Variants in DIAPH2 observed in about 807,000 individuals in gnomAD.
DIAPH2 encodes the protein diaphanous related formin 2, also known as protein diaphanous homolog 2.
DIAPH2 carries 35 observed loss-of-function variants against 92.7 expected under a neutral mutation model. That is an observed-to-expected ratio of 0.38 (90% CI 0.29 to 0.50). The LOEUF (loss-of-function observed/expected upper bound fraction) is 0.50, where lower values mean the gene tolerates loss of function less well. DIAPH2 is among the 20% of genes least tolerant of loss of function. The probability of loss-of-function intolerance (pLI) is 0.94; values close to 1 mark genes in which losing one functional copy is unlikely to be tolerated. For missense variants in DIAPH2, 701 were observed against 819.5 expected (o/e 0.86, Z 1.77); for synonymous variants, 301 against 280.4 (o/e 1.07, Z -0.73).
intron 22 of DIAPH2, among the ~76,000 whole-genome samples, chrX:97,166,191 C>T (rs948756914): frequency 1.1e-4 from 12 of 111,270 alleles, no homozygotes; most frequent in African/African-American, 3.6e-4. Context: ...TGGCTATTGT[C>T]CTATGTTTTA....
At chrX:97,352,870 CAA>C (rs1176922373) in intron 24 of DIAPH2, among the ~76,000 whole-genome samples, 2 of 27,098 alleles carry the variant, frequency 7.4e-5, no homozygotes, top group Middle Eastern at 0.022. Flanking sequence ...AATCTGTCTC[CAA>C]AAAAAAAAAA....
At chrX:97,561,274 A>G (rs759632426) in intron 26 of DIAPH2, among the ~76,000 whole-genome samples, 4 of 112,336 alleles carry the variant, frequency 3.6e-5, no homozygotes, top group African/African-American at 1.3e-4. Context: ...ACATATGAGT[A>G]GGACCATTCT....
chrX:97,280,324 A>G (rs1054308628), intron 23 of DIAPH2, among the ~76,000 whole-genome samples: 4 of 110,162 alleles, frequency 3.6e-5, no homozygotes, highest in African/African-American at 1.3e-4. Flanking sequence ...AATACAAAAA[A>G]AAAATTAGCC....
intron 19 of DIAPH2, among the ~76,000 whole-genome samples, chrX:97,099,333 T>C (rs2066890853): frequency 9.1e-6 from 1 of 109,356 alleles, no homozygotes; most frequent in Non-Finnish European, 1.9e-5. Flanking sequence ...GCCACTGCAC[T>C]CCAGCCAGGG....
At chrX:97,463,228 T>C (rs1007099282) in intron 26 of DIAPH2, among the ~76,000 whole-genome samples, 3 of 108,315 alleles carry the variant, frequency 2.8e-5, no homozygotes, top group Admixed American at 1.0e-4. Context: ...ACAAAGATTC[T>C]TGGGTCCCAA....
chrX:97,234,288 G>A (rs751326651), intron 22 of DIAPH2, among the ~76,000 whole-genome samples: 6 of 96,505 alleles, frequency 6.2e-5, no homozygotes, highest in Admixed American at 1.3e-4. Flanking sequence ...CCGAGATCTC[G>A]CCATTGCACT....
intron 17 of DIAPH2, among the ~76,000 whole-genome samples, chrX:97,045,275 G>A (rs906328883): frequency 2.7e-5 from 3 of 111,913 alleles, no homozygotes; most frequent in Admixed American, 9.5e-5. Flanking sequence ...AGGGTCAGGG[G>A]TCAAGAATAG....
Position 97,185,353 on chromosome X carries a change from G to A in DIAPH2, c.2719+43559G>A, listed in dbSNP as rs143283115. On this transcript the variant is annotated intron_variant, in intron 22 of 26. Coordinates refer to ENST00000324765, the MANE Select transcript of DIAPH2 (RefSeq NM_006729.5). ...TATATATATATATGTATATATATAT[G>A]TGTGTATATATATATGTATATATAT... 5.4e-4 allele frequency among the ~76,000 whole-genome samples: 10 copies of A among 18,397 alleles called. 1 individual carries two copies. Among genetic ancestry groups the A allele is most frequent in the African/African-American group, 1.8e-3 (3 of 1,671 alleles). The allele number at this position is 18,397 out of a possible 115,157, so 16.0% of individuals were successfully genotyped here. A position where few individuals can be genotyped will look rare whatever the true frequency, so the allele number is the denominator to read the frequency against.
chrX:97,287,559 G>A (rs2068553063), intron 23 of DIAPH2, among the ~76,000 whole-genome samples: 1 of 109,554 alleles, frequency 9.1e-6, no homozygotes, highest in African/African-American at 3.3e-5. Context: ...TATGTACTTT[G>A]TAGTGATTTT....
intron 4 of DIAPH2, among the ~76,000 whole-genome samples, chrX:96,843,890 G>A (rs1056136214): frequency 9.0e-6 from 1 of 111,700 alleles, no homozygotes; most frequent in Non-Finnish European, 1.9e-5. Context: ...TTAGTAATTA[G>A]CATATCAATT....
At chrX:97,061,094 A>T (rs1028638216) in intron 17 of DIAPH2, among the ~76,000 whole-genome samples, 11 of 112,371 alleles carry the variant, frequency 9.8e-5, no homozygotes, top group Non-Finnish European at 1.9e-4. Flanking sequence ...TAACAAGTTG[A>T]CTCCATTTAC....
chrX:97,042,764 G>A (rs1242014678), intron 17 of DIAPH2, among the ~76,000 whole-genome samples: 1 of 111,707 alleles, frequency 9.0e-6, no homozygotes, highest in Non-Finnish European at 1.9e-5. Context: ...TGACATTGAG[G>A]CAAATTTTAA....
At chrX:97,506,828 T>G (rs1332268811) in intron 26 of DIAPH2, among the ~76,000 whole-genome samples, 3 of 111,625 alleles carry the variant, frequency 2.7e-5, no homozygotes, top group Non-Finnish European at 5.6e-5. Context: ...TTTGTTGTTT[T>G]CACATTGCTT....
intron 24 of DIAPH2, among the ~76,000 whole-genome samples, chrX:97,350,274 ACT>A (rs2069200052): frequency 9.1e-6 from 1 of 110,334 alleles, no homozygotes; most frequent in Admixed American, 9.7e-5. Flanking sequence ...AGACAGTGAG[ACT>A]CTCTGTCCCA....
intron 22 of DIAPH2, among the ~76,000 whole-genome samples, chrX:97,170,407 GC>G (rs1297719355): frequency 8.9e-6 from 1 of 112,091 alleles, no homozygotes; most frequent in Non-Finnish European, 1.9e-5. Context: ...TATCCTGCAA[GC>G]CATCTGATAA....
At chrX:97,247,136 CTT>C (rs1326110588) in intron 22 of DIAPH2, among the ~76,000 whole-genome samples, 1 of 111,437 alleles carries the variant, frequency 9.0e-6, no homozygotes, top group African/African-American at 3.3e-5. Context: ...CAGGCTGAAT[CTT>C]TGTGGGTATG....
Position 97,007,761 on chromosome X carries a change from C to CCT in DIAPH2, c.2050+42554_2050+42555insCT, listed in dbSNP as rs1291521889. On this transcript the variant is annotated intron_variant, in intron 17 of 26. Transcript: ENST00000324765. ...CCTTTTAAGGCTGTTTTCTTTTTTTCTTTTTTTTTTTTTTTTTTTGAGATG... is the reference window on the plus strand; with the variant it reads ...CCTTTTAAGGCTGTTTTCTTTTTTTCCTTTTTTTTTTTTTTTTTTTTGAGATG... Among the ~76,000 whole-genome samples, 208 of 80,963 alleles carry CCT rather than the reference C, an allele frequency of 2.6e-3. 2 individuals carry two copies. Among genetic ancestry groups the CCT allele is most frequent in the African/African-American group, 9.8e-3 (202 of 20,620 alleles). 70.3% of individuals were successfully genotyped at this position (80,963 alleles called of 115,157 possible).
chrX:96,837,814 T>TGTGTG (rs1328331928), intron 4 of DIAPH2, among the ~76,000 whole-genome samples: 2 of 111,886 alleles, frequency 1.8e-5, no homozygotes, highest in Non-Finnish European at 3.8e-5. Context: ...AGATTGTTCA[T>TGTGTG]GTGTGGCTTT....
At chrX:97,382,430 A>T (rs2069559083) in intron 24 of DIAPH2, among the ~76,000 whole-genome samples, 1 of 112,085 alleles carries the variant, frequency 8.9e-6, no homozygotes, top group African/African-American at 3.2e-5. Flanking sequence ...AGTTGTCACC[A>T]CTGGAGTGGG....
Sources: gnomAD v4.1 joint callset for allele counts (sites outside exome capture counted in the v4.1 genomes callset) on GRCh38, gnomAD v4.1.1 for gene constraint, MANE v1.5 for transcripts, NCBI Gene and HGNC (gene_info 2026-07-23, HGNC 2026-07-21) for gene names.